The following TMEM131 variants were observed in gnomAD, a reference collection of about 807,000 sequenced individuals.
TMEM131 encodes the protein 2610524E03Rik.
In TMEM131, 66 loss-of-function variants were observed where a neutral mutation model predicts 211.6. The observed-to-expected ratio is 0.31, with a 90% CI of 0.26 to 0.38. TMEM131 has a LOEUF of 0.38. Among genes scored for constraint, TMEM131 ranks in the 10% least tolerant of loss-of-function variants. The probability of loss-of-function intolerance (pLI) is 1.00; values close to 1 mark genes in which losing one functional copy is unlikely to be tolerated. For missense variants in TMEM131, 2,036 were observed against 2,299.3 expected, an observed-to-expected ratio of 0.89 and a Z score of 2.34; for synonymous variants, 844 against 841.3, an observed-to-expected ratio of 1.00 and a Z score of -0.06.
At chr2:97,801,049 T>C (rs1184404406) in intron 25 of TMEM131, among the ~76,000 whole-genome samples, 2 of 152,342 alleles carry the variant, frequency 1.3e-5, no homozygotes, top group East Asian at 3.9e-4. Flanking sequence ...ATTGGGCTAA[T>C]ATATGCCTTA....
chr2:97,775,368 C>T (rs891961828), intron 32 of TMEM131, among the ~76,000 whole-genome samples: 4 of 152,130 alleles, frequency 2.6e-5, no homozygotes, highest in Admixed American at 6.5e-5. Flanking sequence ...CCCTCCAGGG[C>T]GGTCACCACT....
At chr2:97,946,294 A>G (rs1363861546) in intron 1 of TMEM131, among the ~76,000 whole-genome samples, 1 of 152,030 alleles carries the variant, frequency 6.6e-6, no homozygotes, top group Non-Finnish European at 1.5e-5. Context: ...TAGAAAGCAG[A>G]AAATAGAGAA....
chr2:97,771,410 T>C (rs1679456497), intron 33 of TMEM131, among the ~76,000 whole-genome samples: 1 of 152,184 alleles, frequency 6.6e-6, no homozygotes, highest in South Asian at 2.1e-4. Context: ...TTTGCAAAAC[T>C]CAAGTATGAT....
At chr2:97,866,968 A>T (rs1435862171) in intron 4 of TMEM131, among the ~76,000 whole-genome samples, 4 of 152,344 alleles carry the variant, frequency 2.6e-5, no homozygotes, top group Admixed American at 2.0e-4. Flanking sequence ...CAATTCTTCA[A>T]TAAGCATTTC....
intron 31 of TMEM131, among the ~76,000 whole-genome samples, chr2:97,786,116 A>G (rs549203753): frequency 6.6e-6 from 1 of 152,278 alleles, no homozygotes; most frequent in East Asian, 1.9e-4. Context: ...CAGCATCACT[A>G]TCCTGGGTAT....
At chr2:97,775,690 G>A (rs940634259) in intron 32 of TMEM131, among the ~76,000 whole-genome samples, 153 bp downstream of exon 32, 3 of 152,088 alleles carry the variant, frequency 2.0e-5, no homozygotes, top group Non-Finnish European at 2.9e-5. Context: ...CTGGAGGCAC[G>A]CCCAGCACAG....
At chr2:97,874,113 A>G (rs1490142875) in intron 4 of TMEM131, among the ~76,000 whole-genome samples, 1 of 152,232 alleles carries the variant, frequency 6.6e-6, no homozygotes, top group African/African-American at 2.4e-5. Flanking sequence ...CAAGTGGAAG[A>G]AAGGATATCA....
intron 25 of TMEM131, among the ~76,000 whole-genome samples, chr2:97,801,344 T>A (rs1312106604): frequency 6.6e-6 from 1 of 152,236 alleles, no homozygotes; most frequent in African/African-American, 2.4e-5. Flanking sequence ...GTGTGGTTAG[T>A]GGTTGCTCAG....
At chr2:97,914,117 A>G (rs981494128) in intron 2 of TMEM131, among the ~76,000 whole-genome samples, 4 of 152,124 alleles carry the variant, frequency 2.6e-5, no homozygotes, top group African/African-American at 9.7e-5. Flanking sequence ...GACATCTGTG[A>G]GGGAGTTTTA....
chr2:97,927,920 C>T (rs1024399817), intron 1 of TMEM131, among the ~76,000 whole-genome samples: 6 of 152,014 alleles, frequency 3.9e-5, no homozygotes, highest in African/African-American at 1.5e-4. Context: ...ATGATATGAC[C>T]TGGGATCCAC....
intron 22 of TMEM131, 91 bp from the exon 23 acceptor site, chr2:97,802,881 A>C: frequency 8.7e-7 from 1 of 1,147,398 alleles, no homozygotes; most frequent in Middle Eastern, 3.0e-4. Flanking sequence ...GTACTTGAGA[A>C]ATTTTTTGCT....
chr2:97,938,099 G>A (rs987596542), intron 1 of TMEM131, among the ~76,000 whole-genome samples: 8 of 152,120 alleles, frequency 5.3e-5, no homozygotes, highest in Admixed American at 3.3e-4. Flanking sequence ...GACCATCAAG[G>A]CTAGGAAGAA....
At chr2:97,980,171 C>A (rs1679723876) in intron 1 of TMEM131, among the ~76,000 whole-genome samples, 1 of 152,102 alleles carries the variant, frequency 6.6e-6, no homozygotes, top group Non-Finnish European at 1.5e-5. Flanking sequence ...TCACTGATTG[C>A]AGATTACCAT....
At chr2:97,839,627 T>G (rs532531906) in intron 7 of TMEM131, among the ~76,000 whole-genome samples, 1 of 152,212 alleles carries the variant, frequency 6.6e-6, no homozygotes, top group East Asian at 1.9e-4. Flanking sequence ...CATACACGCA[T>G]GCACAAGAGA....
intron 4 of TMEM131, among the ~76,000 whole-genome samples, chr2:97,871,973 T>C (rs935661767): frequency 7.1e-5 from 10 of 140,444 alleles, no homozygotes; most frequent in Admixed American, 5.8e-4. Context: ...GGGGAGCCAG[T>C]GGTGTCTAGA....
chr2:97,866,336 C>G (rs919519186), intron 4 of TMEM131, among the ~76,000 whole-genome samples: 8 of 152,350 alleles, frequency 5.3e-5, no homozygotes, highest in African/African-American at 1.9e-4. Flanking sequence ...TACAGTTGTT[C>G]ATAAAATTGC....
At chr2:97,761,064 G>A (rs1559341157) in intron 36 of TMEM131, 150 bp from the exon 37 acceptor site, 1 of 991,100 alleles carries the variant, frequency 1.0e-6, no homozygotes, top group Admixed American at 2.5e-5. Flanking sequence ...ACATGCTCTG[G>A]GGCCTCAGAC....
At chr2:97,989,277 C>CAAAAAAAAAAA (rs768850056) in intron 1 of TMEM131, among the ~76,000 whole-genome samples, 1 of 103,846 alleles carries the variant, frequency 9.6e-6, no homozygotes. Context: ...AAAAACAAAA[C>CAAAAAAAAAAA]AAAAAAAAAA....
rs539145858 is a variant in TMEM131 at position 97,874,773 on chromosome 2, C to T, written c.359+13279G>A. The stretch of plus-strand genomic sequence containing the variant: ...CAGTAGCATCCACTGTAAAAATATA[C>T]TAAATTGTAAAGAACATCAACACTA... On this transcript the variant is annotated intron_variant, in intron 4 of 40. Coordinates refer to ENST00000186436, the MANE Select transcript of TMEM131 (RefSeq NM_015348.2). Among the ~76,000 whole-genome samples, 78 of 152,288 alleles carry T rather than the reference C, an allele frequency of 5.1e-4. 1 individual carries two copies. The highest frequency in any genetic ancestry group is 1.8e-3 in the African/African-American group (74 of 41,544).
Sources: allele counts gnomAD v4.1 joint callset (sites outside exome capture counted in the v4.1 genomes callset), GRCh38; gene constraint gnomAD v4.1.1; transcripts MANE v1.5; gene names NCBI Gene and HGNC (gene_info 2026-07-23, HGNC 2026-07-21).